ABCA12: variants seen among roughly 807,000 people sequenced by gnomAD.
The protein encoded by ABCA12 is glucosylceramide transporter ABCA12.
ABCA12 carries 156 observed loss-of-function variants against 293.5 expected under a neutral mutation model. The ratio of observed to expected loss-of-function variants is 0.53; its 90% CI spans 0.47 to 0.61. The LOEUF (loss-of-function observed/expected upper bound fraction) is 0.61, where lower values mean the gene tolerates loss of function less well. Among genes scored for constraint, ABCA12 ranks in the 20% least tolerant of loss-of-function variants. The probability of loss-of-function intolerance (pLI) is 0.00; values close to 1 mark genes in which losing one functional copy is unlikely to be tolerated. For synonymous variants in ABCA12, 1,063 were observed against 1,108.0 expected (o/e 0.96, Z 0.81); for missense variants, 2,797 against 3,090.2 (o/e 0.91, Z 2.25).
Position 215,025,588 on chromosome 2 carries a change from A to G in ABCA12, c.1287+85T>C, listed in dbSNP as rs2177423. 1 allele frequency: 873,048 copies of G among 873,488 alleles called. 436,306 individuals are homozygous for G. The highest frequency in any genetic ancestry group is 1 in the East Asian group (39,764 of 39,764). 54.1% of individuals were successfully genotyped at this position (873,488 alleles called of 1,614,324 possible). ...AAAGTGTATCTTGCCAAATATTATG[A>G]GAAGTGTTAAGGTTTTTTTTTTGTT... On this transcript the variant is annotated intron_variant, in intron 11 of 52. Transcript: ENST00000272895.
At chr2:214,946,706 C>T (rs953430201) in intron 48 of ABCA12, among the ~76,000 whole-genome samples, 6 of 152,008 alleles carry the variant, frequency 3.9e-5, no homozygotes, top group Admixed American at 1.3e-4. Flanking sequence ...CTTGAATGAA[C>T]GGGATTTTCC....
At chr2:214,962,225 C>G (rs551671368) in intron 39 of ABCA12, 3 of 152,198 alleles carry the variant, frequency 2.0e-5, no homozygotes, top group African/African-American at 7.2e-5. Context: ...ATTTTAAAAA[C>G]TATGTGAAAG....
chr2:214,944,937 T>C (rs1698534592), intron 49 of ABCA12, 64 bp downstream of exon 49: 1 of 1,276,648 alleles, frequency 7.8e-7, no homozygotes, highest in Non-Finnish European at 1.1e-6. Flanking sequence ...TATACAGGAT[T>C]ACCTTTTCCC....
intron 38 of ABCA12, 70 bp downstream of exon 38, chr2:214,968,650 G>T: frequency 6.7e-7 from 1 of 1,494,648 alleles, no homozygotes; most frequent in South Asian, 1.1e-5. Flanking sequence ...TTCACTTCAT[G>T]AAAATGATTA....
rs747619901 is a variant in ABCA12 at position 214,968,731 on chromosome 2, T to C, written c.5767A>G (p.Thr1923Ala). Residue 1923 changes from threonine to alanine, a missense_variant, in exon 38 of 53, where the codon ACA becomes GCA. By Grantham distance (58) the Thr-to-Ala change is moderately conservative (BLOSUM62 0). This residue lies in a region of ABCA12 where 2,130 missense variants were observed against 2,427.0 expected (regional missense o/e 0.88). Transcript: ENST00000272895. ...FDITGVPANRTLAKVWYDPEG... is the reference protein window; with the variant it reads ...FDITGVPANRALAKVWYDPEG... The stretch of plus-strand genomic sequence containing the variant: ...AGATCAAAATTTACCTTGGCAAGTG[T>C]TCTATTGGCAGGGACTCCTGTTATA... 6.2e-6 allele frequency: 10 copies of C among 1,613,160 alleles called. No homozygotes were observed. Among genetic ancestry groups the C allele is most frequent in the Non-Finnish European group, 8.5e-6 (10 of 1,179,342 alleles).
At chr2:214,949,385 C>T (rs1327457303) in intron 45 of ABCA12, among the ~76,000 whole-genome samples, 6 of 151,344 alleles carry the variant, frequency 4.0e-5, no homozygotes, top group Non-Finnish European at 7.4e-5. Flanking sequence ...TATACACACA[C>T]ACACACACAC....
chr2:214,979,946 T>C (rs925179397), intron 31 of ABCA12, among the ~76,000 whole-genome samples: 2 of 152,220 alleles, frequency 1.3e-5, no homozygotes, highest in African/African-American at 4.8e-5. Flanking sequence ...TTAGCGAGCA[T>C]TTTTGTTCTC....
intron 48 of ABCA12, among the ~76,000 whole-genome samples, chr2:214,947,148 C>T (rs1162463781): frequency 2.6e-5 from 4 of 152,186 alleles, no homozygotes; most frequent in Admixed American, 6.5e-5. Context: ...ATTTGTTTCA[C>T]TTCCCATTTC....
At chr2:215,000,615 C>T in intron 22 of ABCA12, 90 bp downstream of exon 22, 1 of 1,496,330 alleles carries the variant, frequency 6.7e-7, no homozygotes, top group Non-Finnish European at 9.2e-7. Flanking sequence ...AATGTTGTTC[C>T]TTTCATGTAA....
chr2:214,945,803 A>T (rs959221518), intron 48 of ABCA12, among the ~76,000 whole-genome samples: 1 of 152,172 alleles, frequency 6.6e-6, no homozygotes, highest in African/African-American at 2.4e-5. Flanking sequence ...GAATATGTAC[A>T]TAACTAGAGG....
chr2:214,944,588 G>A (rs894717872), intron 49 of ABCA12, among the ~76,000 whole-genome samples: 3 of 151,914 alleles, frequency 2.0e-5, no homozygotes, highest in Non-Finnish European at 2.9e-5. Flanking sequence ...TTTAGATGAG[G>A]CCATAGAATG....
At chr2:215,064,455 C>G (rs914521152) in intron 2 of ABCA12, among the ~76,000 whole-genome samples, 2 of 151,916 alleles carry the variant, frequency 1.3e-5, no homozygotes, top group Non-Finnish European at 2.9e-5. Context: ...TTTAAAAATG[C>G]CTGGTTACCC....
At chr2:215,104,404 A>G (rs1003258635) in intron 2 of ABCA12, among the ~76,000 whole-genome samples, 3 of 152,210 alleles carry the variant, frequency 2.0e-5, no homozygotes, top group African/African-American at 4.8e-5. Flanking sequence ...GCCCATCCAC[A>G]TTGCATGAGA....
chr2:215,056,563 C>T (rs1291802699), intron 3 of ABCA12, among the ~76,000 whole-genome samples: 1 of 152,020 alleles, frequency 6.6e-6, no homozygotes, highest in Admixed American at 6.6e-5. Flanking sequence ...GTGTGCTTTC[C>T]TCTTCCCCTT....
intron 1 of ABCA12, among the ~76,000 whole-genome samples, chr2:215,112,686 T>C (rs1702602565): frequency 6.6e-6 from 1 of 151,770 alleles, no homozygotes; most frequent in Non-Finnish European, 1.5e-5. Flanking sequence ...TTAGTAGAGA[T>C]GAGGTTCCAC....
chr2:215,041,699 A>G (rs1414035179), intron 7 of ABCA12, among the ~76,000 whole-genome samples: 1 of 152,196 alleles, frequency 6.6e-6, no homozygotes, highest in African/African-American at 2.4e-5. Flanking sequence ...AATAATGAAG[A>G]GATAGTAGTA....
At chr2:215,030,656 T>C (rs1035727996) in intron 9 of ABCA12, among the ~76,000 whole-genome samples, 2 of 143,794 alleles carry the variant, frequency 1.4e-5, no homozygotes, top group Non-Finnish European at 3.0e-5. Context: ...CTGGCTAGGG[T>C]GAAATTGCCT....
intron 33 of ABCA12, among the ~76,000 whole-genome samples, chr2:214,976,362 T>C (rs1035250297): frequency 6.6e-6 from 1 of 152,236 alleles, no homozygotes; most frequent in Non-Finnish European, 1.5e-5. Context: ...AAATGAATAT[T>C]GACCTCAAAC....
At chr2:214,969,731 T>TAATC (rs1699344757) in intron 37 of ABCA12, among the ~76,000 whole-genome samples, 1 of 152,096 alleles carries the variant, frequency 6.6e-6, no homozygotes, top group African/African-American at 2.4e-5. Context: ...CAATGAATAT[T>TAATC]AATCATGGAT....
Sources: allele counts gnomAD v4.1 joint callset (sites outside exome capture counted in the v4.1 genomes callset), GRCh38; gene constraint gnomAD v4.1.1; regional missense constraint gnomAD v4.1.1; transcripts MANE v1.5; gene names NCBI Gene and HGNC (gene_info 2026-07-23, HGNC 2026-07-21).